Variants in CNTN6 observed in about 807,000 individuals in gnomAD.
The protein encoded by CNTN6 is contactin-6.
A neutral mutation model predicts 122.8 loss-of-function variants in CNTN6; 137 were observed. That is an observed-to-expected ratio of 1.12 (90% CI 0.97 to 1.29). CNTN6 has a LOEUF of 1.29. CNTN6 is among the 50% of genes most tolerant of loss of function. The pLI is 0.00. For synonymous variants in CNTN6, 570 were observed against 426.0 expected (o/e 1.34, Z -4.16); for missense variants, 1,634 against 1,223.4 (o/e 1.34, Z -5.01).
intron 17 of CNTN6, among the ~76,000 whole-genome samples, chr3:1,379,083 A>C (rs155388): frequency 0.4 from 60,263 of 151,960 alleles, 13,006 homozygotes; most frequent in African/African-American, 0.58. Context: ...CCTCCTTGGT[A>C]AGAAATTCCT....
chr3:1,136,152 C>G (rs956467970), intron 1 of CNTN6, among the ~76,000 whole-genome samples: 2 of 152,094 alleles, frequency 1.3e-5, no homozygotes, highest in African/African-American at 4.8e-5. Context: ...ATTTAGAGAG[C>G]TCTATTACAT....
At chr3:1,099,195 T>C (rs990006545) in intron 1 of CNTN6, among the ~76,000 whole-genome samples, 1 of 152,196 alleles carries the variant, frequency 6.6e-6, no homozygotes, top group African/African-American at 2.4e-5. Flanking sequence ...CTCACGCCTG[T>C]AATCCCAGCA....
intron 3 of CNTN6, among the ~76,000 whole-genome samples, chr3:1,225,640 G>C (rs752244010): frequency 6.0e-5 from 9 of 151,094 alleles, no homozygotes; most frequent in Non-Finnish European, 1.2e-4. Flanking sequence ...CTGGCAAGGA[G>C]AATATTGGTG....
intron 7 of CNTN6, among the ~76,000 whole-genome samples, chr3:1,306,587 G>A (rs1698392918): frequency 6.6e-6 from 1 of 152,134 alleles, no homozygotes; most frequent in Non-Finnish European, 1.5e-5. Flanking sequence ...AACTTCACTT[G>A]TCAATAGCTG....
chr3:1,304,999 A>AC (rs966183007), intron 7 of CNTN6, among the ~76,000 whole-genome samples: 7 of 151,750 alleles, frequency 4.6e-5, no homozygotes, highest in South Asian at 2.1e-4. Flanking sequence ...AAAAAAAAAA[A>AC]AAAAACAAAA....
intron 5 of CNTN6, among the ~76,000 whole-genome samples, chr3:1,291,777 G>C (rs1048458906): frequency 1.3e-5 from 2 of 152,150 alleles, no homozygotes; most frequent in Non-Finnish European, 2.9e-5. Context: ...AGCAAAGGAC[G>C]TCAGTAAAGA....
At chr3:1,281,574 C>T (rs1380751118) in intron 5 of CNTN6, among the ~76,000 whole-genome samples, 1 of 151,658 alleles carries the variant, frequency 6.6e-6, no homozygotes, top group Non-Finnish European at 1.5e-5. Context: ...AAGGGATTCT[C>T]CTGCCTCAGC....
chr3:1,222,016 C>T (rs2094213865), intron 3 of CNTN6, among the ~76,000 whole-genome samples: 1 of 152,182 alleles, frequency 6.6e-6, no homozygotes, highest in Non-Finnish European at 1.5e-5. Flanking sequence ...CTTAAATGCA[C>T]TTAATTAGCT....
chr3:1,150,492 A>G (rs1037783137), intron 2 of CNTN6, among the ~76,000 whole-genome samples: 1 of 152,170 alleles, frequency 6.6e-6, no homozygotes, highest in Admixed American at 6.6e-5. Flanking sequence ...TACTATAGTC[A>G]TGGCCTCATA....
At chr3:1,111,302 A>G (rs1296180523) in intron 1 of CNTN6, among the ~76,000 whole-genome samples, 1 of 152,306 alleles carries the variant, frequency 6.6e-6, no homozygotes, top group Non-Finnish European at 1.5e-5. Context: ...AACAATCACA[A>G]CAAGAACAAC....
At chr3:1,315,057 C>A (rs1267708438) in intron 7 of CNTN6, among the ~76,000 whole-genome samples, 1 of 151,776 alleles carries the variant, frequency 6.6e-6, no homozygotes, top group Non-Finnish European at 1.5e-5. Flanking sequence ...GGAAATGTTG[C>A]CAGAAACGAC....
chr3:1,177,429 AAAGT>A (rs1403179101), intron 2 of CNTN6, among the ~76,000 whole-genome samples: 1 of 152,232 alleles, frequency 6.6e-6, no homozygotes, highest in East Asian at 1.9e-4. Flanking sequence ...AAAGCAGTTA[AAAGT>A]AAGAAATTTA....
At chr3:1,398,349 T>TA (rs1695243452) in intron 20 of CNTN6, among the ~76,000 whole-genome samples, 1 of 152,074 alleles carries the variant, frequency 6.6e-6, no homozygotes, top group Non-Finnish European at 1.5e-5. Flanking sequence ...CATCCATTGA[T>TA]AAAAATAAGA....
intron 4 of CNTN6, among the ~76,000 whole-genome samples, chr3:1,273,279 A>G (rs974259036): frequency 3.9e-5 from 6 of 152,220 alleles, no homozygotes; most frequent in African/African-American, 1.4e-4. Flanking sequence ...ATATTATAGA[A>G]TTTGAGACCA....
intron 1 of CNTN6, among the ~76,000 whole-genome samples, chr3:1,123,589 A>G (rs989380257): frequency 2.0e-5 from 3 of 151,936 alleles, no homozygotes; most frequent in Admixed American, 6.6e-5. Flanking sequence ...TTTTTGGAAG[A>G]CTGAGATTTT....
At chr3:1,289,225 A>C (rs1219683612) in intron 5 of CNTN6, among the ~76,000 whole-genome samples, 2 of 152,146 alleles carry the variant, frequency 1.3e-5, no homozygotes. Flanking sequence ...TAAGCACAGC[A>C]GTGGCTGATG....
intron 1 of CNTN6, among the ~76,000 whole-genome samples, chr3:1,104,145 A>G (rs144222069): frequency 3.9e-5 from 6 of 152,222 alleles, no homozygotes; most frequent in South Asian, 4.1e-4. Flanking sequence ...CTTGAATTCA[A>G]TGAAGTATAC....
intron 20 of CNTN6, among the ~76,000 whole-genome samples, chr3:1,390,957 C>A (rs1199285262): frequency 6.8e-6 from 1 of 147,670 alleles, no homozygotes; most frequent in Admixed American, 6.8e-5. Context: ...GGATTCACAG[C>A]CGAATTCTAC....
intron 20 of CNTN6, among the ~76,000 whole-genome samples, chr3:1,398,756 A>G (rs1695292361): frequency 6.6e-6 from 1 of 152,146 alleles, no homozygotes; most frequent in South Asian, 2.1e-4. Context: ...GAGATTGGAT[A>G]CAAATTCAAG....
Sources: gnomAD v4.1 joint callset for allele counts (sites outside exome capture counted in the v4.1 genomes callset) on GRCh38, gnomAD v4.1.1 for gene constraint, MANE v1.5 for transcripts, NCBI Gene and HGNC (gene_info 2026-07-23, HGNC 2026-07-21) for gene names.